The following MGST1 variants were observed in gnomAD, a reference collection of about 807,000 sequenced individuals.
The protein encoded by MGST1 is glutathione S-transferase 12.
A neutral mutation model predicts 8.9 loss-of-function variants in MGST1; 5 were observed. The ratio of observed to expected loss-of-function variants is 0.56; its 90% CI spans 0.29 to 1.19. The LOEUF (loss-of-function observed/expected upper bound fraction) is 1.19, where lower values mean the gene tolerates loss of function less well. Ranked by LOEUF, MGST1 falls within the 50% of genes most tolerant of loss-of-function variation. MGST1 has a pLI of 0.08. For synonymous variants in MGST1, 54 were observed against 67.8 expected (o/e 0.80, Z 1.00); for missense variants, 182 against 187.4 (o/e 0.97, Z 0.17).
chr12:16,505,271 G>A (rs1254758720), intron 4 of MGST1, among the ~76,000 whole-genome samples: 2 of 152,116 alleles, frequency 1.3e-5, no homozygotes, highest in African/African-American at 2.4e-5. Flanking sequence ...TGTTCAATAA[G>A]CATATAAAGT....
At position 16,540,866 on chromosome 12, in the gene MGST1, C is replaced by T. The variant is rs145662354; in HGVS notation, n.483-48662C>T. Among the ~76,000 whole-genome samples the T allele has an allele frequency of 3.1e-3, 474 of 152,230 alleles. 1 individual carries two copies. Among genetic ancestry groups the T allele is most frequent in the Non-Finnish European group, 4.7e-3 (319 of 68,026 alleles). ...CGGAGGTTGCAGCAAGCCGAGACAGCGCCACTGCACTCTAGCCTGAGTAAC... is the reference window on the plus strand; with the variant it reads ...CGGAGGTTGCAGCAAGCCGAGACAGTGCCACTGCACTCTAGCCTGAGTAAC... On this transcript the variant is annotated intron_variant and non_coding_transcript_variant, in intron 4 of 4. Coordinates refer to the MGST1 transcript ENST00000538857.
intron 4 of MGST1, among the ~76,000 whole-genome samples, chr12:16,520,205 C>G (rs1412426580): frequency 1.3e-5 from 2 of 152,016 alleles, no homozygotes; most frequent in Non-Finnish European, 2.9e-5. Context: ...GAAACCAGAC[C>G]TCAAACAGAT....
intron 1 of MGST1, chr12:16,399,282 C>G (rs1233123478): frequency 1.9e-6 from 3 of 1,605,104 alleles, no homozygotes; most frequent in Middle Eastern, 2.3e-4. Flanking sequence ...AAGTTACTTC[C>G]TCTTTTTCTT....
At chr12:16,533,241 C>T (rs565484617) in intron 4 of MGST1, among the ~76,000 whole-genome samples, 1 of 152,214 alleles carries the variant, frequency 6.6e-6, no homozygotes, top group African/African-American at 2.4e-5. Flanking sequence ...TCTGGTATTC[C>T]ACTTTAATAT....
rs1565447592 is a variant in MGST1, at chr12:16,401,005, C to T, written n.778+17401C>T. On this transcript the variant is annotated intron_variant and non_coding_transcript_variant, in intron 1 of 1. Coordinates refer to the MGST1 transcript ENST00000359720. This position sits in a 1 kb window ranked among gnomAD's most constrained non-coding sequence, Gnocchi z 4.3. ...CTAGTTCTTTTTGATGTGCTCTTCA[C>T]TTCTCTTCTGCAGTCATTTCATTCC... 2 of 1,540,708 alleles carry T rather than the reference C, an allele frequency of 1.3e-6. No homozygotes were observed. The highest frequency in any genetic ancestry group is 2.2e-5 in the South Asian group (2 of 89,584).
chr12:16,570,279 T>C (rs1308391814), intron 4 of MGST1, among the ~76,000 whole-genome samples: 1 of 152,184 alleles, frequency 6.6e-6, no homozygotes, highest in Non-Finnish European at 1.5e-5. Context: ...TTGATATCTT[T>C]ACAGACTTCT....
intron 2 of MGST1, among the ~76,000 whole-genome samples, chr12:16,357,175 A>G (rs773993536): frequency 6.6e-6 from 1 of 152,208 alleles, no homozygotes; most frequent in African/African-American, 2.4e-5. Context: ...ATTGCTCCAA[A>G]TGGGCCAACC....
At chr12:16,495,323 G>T (rs141528853) in intron 4 of MGST1, among the ~76,000 whole-genome samples, 9 of 152,150 alleles carry the variant, frequency 5.9e-5, no homozygotes, top group Non-Finnish European at 4.4e-5. Flanking sequence ...TAGAAGGGGA[G>T]GCAGGTGAAG....
rs1297821175 is a variant in MGST1, at chr12:16,517,123, A to C, written n.483-72405A>C. Among the ~76,000 whole-genome samples, 2 of 152,186 alleles carry C rather than the reference A, an allele frequency of 1.3e-5. No individual in the cohort carries two copies. The highest frequency in any genetic ancestry group is 2.9e-5 in the Non-Finnish European group (2 of 68,026). ...TATGTAACCTGAGAAGCGATATGCA[A>C]AGTCATTGGAAGGAAGCTGAATGGC... is the stretch of plus-strand genomic sequence containing the variant. On this transcript the variant is annotated intron_variant and non_coding_transcript_variant, in intron 4 of 4. Coordinates refer to the MGST1 transcript ENST00000538857. The surrounding 1 kb of genome is among the most constrained non-coding windows in gnomAD (Gnocchi z 4.2).
At chr12:16,477,349 C>A (rs1178699824) in intron 4 of MGST1, among the ~76,000 whole-genome samples, 1 of 151,906 alleles carries the variant, frequency 6.6e-6, no homozygotes, top group East Asian at 1.9e-4. Flanking sequence ...TTATAGATAG[C>A]CTAAAAAATG....
At chr12:16,358,172 C>T (rs922352465) in intron 3 of MGST1, among the ~76,000 whole-genome samples, 1 of 152,134 alleles carries the variant, frequency 6.6e-6, no homozygotes, top group African/African-American at 2.4e-5. Flanking sequence ...TTTTAATGTA[C>T]TGGGAATTCA....
At chr12:16,435,794 T>C (rs1940980061) in intron 1 of MGST1, among the ~76,000 whole-genome samples, 1 of 151,978 alleles carries the variant, frequency 6.6e-6, no homozygotes, top group Admixed American at 6.6e-5. Context: ...ATGATTGTGT[T>C]GTTTATTATC....
intron 4 of MGST1, among the ~76,000 whole-genome samples, chr12:16,567,160 C>T (rs1463770582): frequency 1.3e-5 from 2 of 152,074 alleles, no homozygotes; most frequent in African/African-American, 4.8e-5. Context: ...CGTGCCATTG[C>T]ACTCCAGCCT....
chr12:16,356,164 CT>C (rs1181762728), intron 2 of MGST1, among the ~76,000 whole-genome samples: 1 of 152,172 alleles, frequency 6.6e-6, no homozygotes, highest in African/African-American at 2.4e-5. Context: ...GAAGATTAGG[CT>C]TTAACATACA....
At chr12:16,349,671 T>C (rs1339749076) in intron 1 of MGST1, among the ~76,000 whole-genome samples, 1 of 151,890 alleles carries the variant, frequency 6.6e-6, no homozygotes, top group Non-Finnish European at 1.5e-5. Context: ...AAATCCTCAG[T>C]GCCTAGAACA....
chr12:16,376,704 T>C (rs1181245476), exon 4 of MGST1: 3 of 152,152 alleles, frequency 2.0e-5, no homozygotes, highest in Admixed American at 6.6e-5. Context: ...TGAACAATGA[T>C]AGAATATTTA....
At chr12:16,379,553 A>T (rs1940429289), downstream of MGST1, among the ~76,000 whole-genome samples, 1 of 152,186 alleles carries the variant, frequency 6.6e-6, no homozygotes, top group African/African-American at 2.4e-5. Flanking sequence ...GTTTGCCAGT[A>T]TTTTATTGAG....
At chr12:16,453,948 C>T (rs971338569) in intron 4 of MGST1, among the ~76,000 whole-genome samples, 4 of 151,942 alleles carry the variant, frequency 2.6e-5, no homozygotes, top group Non-Finnish European at 5.9e-5. Flanking sequence ...AGAGTTAGGA[C>T]TTCAACATGT....
chr12:16,472,278 C>A (rs919866497), intron 4 of MGST1, among the ~76,000 whole-genome samples: 1 of 152,110 alleles, frequency 6.6e-6, no homozygotes, highest in Non-Finnish European at 1.5e-5. Flanking sequence ...AAAAACAAAT[C>A]TTTGTAAATT....
Sources: allele counts gnomAD v4.1 joint callset (sites outside exome capture counted in the v4.1 genomes callset), GRCh38; gene constraint gnomAD v4.1.1; non-coding constraint Gnocchi (gnomAD v3.1); transcripts MANE v1.5; gene names NCBI Gene and HGNC (gene_info 2026-07-23, HGNC 2026-07-21).